The following SGMS1 variants were observed in gnomAD, a reference collection of about 807,000 sequenced individuals.
SGMS1 encodes sphingomyelin synthase 1.
In SGMS1, 13 loss-of-function variants were observed where a neutral mutation model predicts 46.2. That is an observed-to-expected ratio of 0.28 (90% CI 0.18 to 0.45). The LOEUF (loss-of-function observed/expected upper bound fraction) is 0.45, where lower values mean the gene tolerates loss of function less well. Among genes scored for constraint, SGMS1 ranks in the 20% least tolerant of loss-of-function variants. SGMS1 has a pLI of 1.00. For missense variants in SGMS1, 324 were observed against 519.9 expected, an observed-to-expected ratio of 0.62 and a Z score of 3.66; for synonymous variants, 203 against 187.8, an observed-to-expected ratio of 1.08 and a Z score of -0.66.
At chr10:50,350,130 C>A (rs540184964) in intron 6 of SGMS1, among the ~76,000 whole-genome samples, 31 of 152,268 alleles carry the variant, frequency 2.0e-4, no homozygotes, top group African/African-American at 7.2e-4. Context: ...AGATGAGGAA[C>A]TTGTTGGGAA....
intron 6 of SGMS1, among the ~76,000 whole-genome samples, chr10:50,380,416 T>C (rs1433863290): frequency 6.6e-6 from 1 of 151,534 alleles, no homozygotes; most frequent in East Asian, 1.9e-4. Context: ...CTTTCTAATG[T>C]TGCAAGCTGT....
rs1564438239 is a variant in SGMS1 at position 50,585,705 on chromosome 10, A to G, written c.-589+4448T>C. On this transcript the variant is annotated intron_variant, in intron 2 of 10. Transcript: ENST00000361781. ...GAATGGAATTTCAAATTCATAGGAG[A>G]CTCTTTTACTATACTTGATCTTAGC... Among the ~76,000 whole-genome samples the G allele has an allele frequency of 3.9e-5, 6 of 151,980 alleles. No individual in the cohort carries two copies. In the South Asian group the frequency reaches 1.2e-3, roughly 32 times the overall value.
Position 50,354,817 on chromosome 10 carries a change from T to A in SGMS1, c.-231-10472A>T, listed in dbSNP as rs560116647. 2.0e-5 allele frequency among the ~76,000 whole-genome samples: 3 copies of A among 152,312 alleles called. No homozygotes were observed. The East Asian group carries it at 5.8e-4, about 29-fold the overall frequency. ...GACACTTCTCAAAAGAAGACATTTA[T>A]GCAGCCAAAAGACACATGAAAAAGT... On this transcript the variant is annotated intron_variant, in intron 6 of 10. Coordinates refer to ENST00000361781, the MANE Select transcript of SGMS1 (RefSeq NM_147156.4).
intron 6 of SGMS1, among the ~76,000 whole-genome samples, chr10:50,397,438 A>T (rs1279816336): frequency 6.6e-6 from 1 of 152,240 alleles, no homozygotes; most frequent in Non-Finnish European, 1.5e-5. Flanking sequence ...ACACCAAAGC[A>T]GAGGAGAAGG....
At chr10:50,603,641 T>G (rs1838668768) in intron 1 of SGMS1, among the ~76,000 whole-genome samples, 1 of 152,170 alleles carries the variant, frequency 6.6e-6, no homozygotes, top group Non-Finnish European at 1.5e-5. Flanking sequence ...GGTAAAAAAC[T>G]AAATTGCACA....
chr10:50,314,844 C>T (rs537438746), intron 8 of SGMS1, among the ~76,000 whole-genome samples: 11 of 152,230 alleles, frequency 7.2e-5, no homozygotes, highest in African/African-American at 2.2e-4. Flanking sequence ...TCCTTTGAGC[C>T]TAGGAGTTCA....
chr10:50,494,825 G>C (rs200015366), intron 3 of SGMS1, among the ~76,000 whole-genome samples: 2 of 151,712 alleles, frequency 1.3e-5, no homozygotes, highest in African/African-American at 4.8e-5. Context: ...TCACGAGGTC[G>C]GGAGATCGAG....
chr10:50,589,312 A>G (rs900065319), intron 2 of SGMS1, among the ~76,000 whole-genome samples: 5 of 152,080 alleles, frequency 3.3e-5, no homozygotes, highest in African/African-American at 1.2e-4. Context: ...CCCAGCCTGG[A>G]GTACAGTGGC....
At chr10:50,385,335 T>C (rs1848666989) in intron 6 of SGMS1, among the ~76,000 whole-genome samples, 1 of 152,172 alleles carries the variant, frequency 6.6e-6, no homozygotes, top group Non-Finnish European at 1.5e-5. Flanking sequence ...ATGGTAAAGT[T>C]CAGACTAAGA....
intron 3 of SGMS1, among the ~76,000 whole-genome samples, chr10:50,501,335 G>T (rs1422207595): frequency 2.0e-5 from 3 of 151,916 alleles, no homozygotes; most frequent in Non-Finnish European, 4.4e-5. Context: ...GAATGAAAGG[G>T]GTTCACAATT....
chr10:50,491,476 T>C (rs1458817909), intron 3 of SGMS1, among the ~76,000 whole-genome samples: 1 of 152,232 alleles, frequency 6.6e-6, no homozygotes, highest in Non-Finnish European at 1.5e-5. Context: ...ATGGCTCCCA[T>C]GCTCATCATG....
intron 3 of SGMS1, among the ~76,000 whole-genome samples, chr10:50,498,844 G>T (rs1564928765): frequency 6.6e-6 from 1 of 152,162 alleles, no homozygotes; most frequent in Non-Finnish European, 1.5e-5. Flanking sequence ...GGAATTGCTG[G>T]ATTATATGGT....
At chr10:50,624,622 C>T, upstream of SGMS1, 1 of 985,406 alleles carries the variant, frequency 1.0e-6, no homozygotes, top group Non-Finnish European at 1.2e-6. Context: ...CGCCGCCCCT[C>T]CGAGCTGCGG....
intron 6 of SGMS1, among the ~76,000 whole-genome samples, chr10:50,369,553 A>G (rs971134728): frequency 6.6e-6 from 1 of 151,726 alleles, no homozygotes; most frequent in Non-Finnish European, 1.5e-5. Context: ...CATATGCCAA[A>G]AAAAAAAAGC....
chr10:50,458,339 C>CTTTTTTTTT lies in SGMS1; in HGVS notation c.-313+2325_-313+2333dup, dbSNP rs750349777. Among the ~76,000 whole-genome samples the CTTTTTTTTT allele has an allele frequency of 7.2e-3, 699 of 97,130 alleles. 19 individuals are homozygous for CTTTTTTTTT. The highest frequency in any genetic ancestry group is 8.9e-3 in the Non-Finnish European group (467 of 52,240). 63.7% of individuals were successfully genotyped at this position (97,130 alleles called of 152,430 possible). A position where few individuals can be genotyped will look rare whatever the true frequency, so the allele number is the denominator to read the frequency against. On this transcript the variant is annotated intron_variant, in intron 5 of 10. Coordinates refer to ENST00000361781, the MANE Select transcript of SGMS1 (RefSeq NM_147156.4). ...TCTGGCTCTGCTATTTTCTTTTTCT[C>CTTTTTTTTT]TTTTTTTTTTTTTTTTTTTTTTTTT...
intron 6 of SGMS1, among the ~76,000 whole-genome samples, chr10:50,345,487 T>C (rs1326146675): frequency 6.6e-6 from 1 of 152,162 alleles, no homozygotes; most frequent in Non-Finnish European, 1.5e-5. Context: ...AATAACCAAA[T>C]GCACATCTGT....
chr10:50,335,070 T>C (rs939059589), intron 7 of SGMS1: 2 of 152,116 alleles, frequency 1.3e-5, no homozygotes, highest in Admixed American at 6.6e-5. Context: ...TTTAATGCCA[T>C]ATGAGGTGGA....
chr10:50,400,297 GT>G (rs1196576978), intron 6 of SGMS1, among the ~76,000 whole-genome samples: 5 of 151,084 alleles, frequency 3.3e-5, no homozygotes, highest in African/African-American at 1.2e-4. Context: ...CTGTGATGCA[GT>G]TTTTTGCCTC....
At chr10:50,510,845 T>C (rs1837747554) in intron 3 of SGMS1, among the ~76,000 whole-genome samples, 2 of 152,180 alleles carry the variant, frequency 1.3e-5, no homozygotes, top group Admixed American at 6.6e-5. Flanking sequence ...TTTGGGTTTT[T>C]TTACATACAA....
Sources: gnomAD v4.1 joint callset for allele counts (sites outside exome capture counted in the v4.1 genomes callset) on GRCh38, gnomAD v4.1.1 for gene constraint, MANE v1.5 for transcripts, NCBI Gene and HGNC (gene_info 2026-07-23, HGNC 2026-07-21) for gene names.